The following NPTN variants were observed in gnomAD, a reference collection of about 807,000 sequenced individuals.
NPTN encodes neuroplastin, also known as SDR-1.
Under a neutral mutation model 42.7 loss-of-function variants are expected in NPTN, and 5 were observed. The ratio of observed to expected loss-of-function variants is 0.12; its 90% CI spans 0.06 to 0.25. The LOEUF is 0.25. NPTN is among the 10% of genes least tolerant of loss of function. The pLI is 1.00. For synonymous variants in NPTN, 180 were observed against 201.9 expected (o/e 0.89, Z 0.92); for missense variants, 307 against 525.4 (o/e 0.58, Z 4.06).
chr15:73,628,508 T>C (rs1003116945), intron 1 of NPTN, among the ~76,000 whole-genome samples: 1 of 152,234 alleles, frequency 6.6e-6, no homozygotes, highest in Non-Finnish European at 1.5e-5. Context: ...ATCTCTTGTA[T>C]GGTATCCAAC....
chr15:73,569,793 A>G lies in NPTN; in HGVS notation c.1114+357T>C. On this transcript the variant is annotated intron_variant, in intron 6 of 8. Transcript: ENST00000345330. This position sits in a 1 kb window ranked among gnomAD's most constrained non-coding sequence, Gnocchi z 4.1. Reference sequence around the variant, plus strand: ...TTGACTTGGATTCTCCTCAAGCTCAATCTGCCTGATGATCTGTATTGAAGG... The same window carrying G: ...TTGACTTGGATTCTCCTCAAGCTCAGTCTGCCTGATGATCTGTATTGAAGG... The G allele has an allele frequency of 1.0e-6, 1 of 985,292 alleles. No individual in the cohort carries two copies. The highest frequency in any genetic ancestry group is 1.2e-6 in the Non-Finnish European group (1 of 829,916). 61.0% of individuals were successfully genotyped at this position (985,292 alleles called of 1,614,324 possible).
At chr15:73,619,479 A>T (rs1898025987) in intron 1 of NPTN, among the ~76,000 whole-genome samples, 1 of 152,224 alleles carries the variant, frequency 6.6e-6, no homozygotes. Flanking sequence ...GGAACAACTT[A>T]ATTTTGATGG....
chr15:73,633,252 G>A lies in NPTN; in HGVS notation c.-37C>T. 1 of 1,386,576 alleles carries A rather than the reference G, an allele frequency of 7.2e-7. No individual in the cohort carries two copies. The highest frequency in any genetic ancestry group is 9.7e-7 in the Non-Finnish European group (1 of 1,032,734). The allele number at this position is 1,386,576 out of a possible 1,614,324, so 85.9% of individuals were successfully genotyped here. On this transcript the variant is annotated 5_prime_UTR_variant, in exon 1 of 9. Transcript: ENST00000345330. ...GAAGACCCAACAGCGAATGGGCCGGGGCCAGAGCCGGGGCCGGGGAAGGGA... is the reference window on the plus strand; with the variant it reads ...GAAGACCCAACAGCGAATGGGCCGGAGCCAGAGCCGGGGCCGGGGAAGGGA...
chr15:73,580,797 T>A (rs937598063), intron 4 of NPTN, among the ~76,000 whole-genome samples: 2 of 151,896 alleles, frequency 1.3e-5, no homozygotes, highest in African/African-American at 2.4e-5. Context: ...CCTGTCAGAC[T>A]TTACTCTGTA....
At chr15:73,612,194 G>A (rs955640298) in intron 1 of NPTN, among the ~76,000 whole-genome samples, 7 of 152,100 alleles carry the variant, frequency 4.6e-5, no homozygotes, top group African/African-American at 1.7e-4. Context: ...CAAGGCAGGA[G>A]GATCGCTTGA....
At chr15:73,604,537 C>T (rs1184348291) in intron 1 of NPTN, among the ~76,000 whole-genome samples, 1 of 152,170 alleles carries the variant, frequency 6.6e-6, no homozygotes. Flanking sequence ...AGGGGTCTTC[C>T]AGACCCTGAG....
intron 3 of NPTN, among the ~76,000 whole-genome samples, chr15:73,589,348 A>C (rs1896478759): frequency 6.6e-6 from 1 of 152,070 alleles, no homozygotes; most frequent in African/African-American, 2.4e-5. Flanking sequence ...AAAAGAAAAA[A>C]AGAAAAAGTA....
chr15:73,583,401 C>T (rs1896154737), intron 4 of NPTN, among the ~76,000 whole-genome samples: 1 of 152,092 alleles, frequency 6.6e-6, no homozygotes, highest in Admixed American at 6.5e-5. Flanking sequence ...GCCAGTTATT[C>T]CCTCAAGCCT....
intron 2 of NPTN, among the ~76,000 whole-genome samples, chr15:73,595,195 G>C (rs1896777888): frequency 3.3e-5 from 5 of 152,172 alleles, no homozygotes; most frequent in Admixed American, 3.3e-4. Context: ...CTAGCTATGA[G>C]TCAGGCTCTT....
At chr15:73,592,460 C>T (rs193148599) in intron 2 of NPTN, among the ~76,000 whole-genome samples, 4 of 152,256 alleles carry the variant, frequency 2.6e-5, no homozygotes, top group Admixed American at 1.3e-4. Context: ...CCAAACAATT[C>T]GGCTTCAATT....
intron 1 of NPTN, among the ~76,000 whole-genome samples, chr15:73,598,429 A>C (rs2141411948): frequency 6.6e-6 from 1 of 152,078 alleles, no homozygotes; most frequent in Admixed American, 6.5e-5. Context: ...AATTTGCTTG[A>C]GGTTACACTT....
intron 1 of NPTN, among the ~76,000 whole-genome samples, chr15:73,626,825 C>T (rs1898438840): frequency 1.3e-5 from 2 of 152,066 alleles, no homozygotes; most frequent in Admixed American, 6.6e-5. Flanking sequence ...TATATCCAAC[C>T]CTAATACTTT....
intron 2 of NPTN, among the ~76,000 whole-genome samples, chr15:73,595,100 A>G: frequency 6.6e-6 from 1 of 152,202 alleles, no homozygotes; most frequent in East Asian, 1.9e-4. Flanking sequence ...AATTCTAAGT[A>G]AACTGGGGAA....
intron 5 of NPTN, among the ~76,000 whole-genome samples, chr15:73,573,386 G>A (rs1346122350): frequency 6.6e-6 from 1 of 152,122 alleles, no homozygotes; most frequent in Non-Finnish European, 1.5e-5. Flanking sequence ...CCCAGTCTCT[G>A]GAAGTTCTTT....
chr15:73,586,943 T>C (rs1401139797), intron 4 of NPTN, among the ~76,000 whole-genome samples: 4 of 152,222 alleles, frequency 2.6e-5, no homozygotes, highest in Non-Finnish European at 4.4e-5. Context: ...TGATGTTGGG[T>C]AGCTCCAACT....
chr15:73,601,521 T>TGCC (rs1246564245), intron 1 of NPTN, among the ~76,000 whole-genome samples: 4 of 152,248 alleles, frequency 2.6e-5, no homozygotes, highest in Admixed American at 2.0e-4. Flanking sequence ...CTCACTGCCC[T>TGCC]GCCTTTCATT....
intron 6 of NPTN, chr15:73,567,476 A>G (rs1895097159): frequency 2.0e-6 from 2 of 985,280 alleles, no homozygotes; most frequent in African/African-American, 1.7e-5. Flanking sequence ...GTGTACGTAT[A>G]TATCTATATG....
At chr15:73,589,193 A>G (rs1896469767) in intron 3 of NPTN, among the ~76,000 whole-genome samples, 1 of 152,058 alleles carries the variant, frequency 6.6e-6, no homozygotes, top group Non-Finnish European at 1.5e-5. Context: ...TTAGCTGGGC[A>G]TGGTGGTGCA....
At chr15:73,590,824 A>G (rs1429143038) in intron 3 of NPTN, among the ~76,000 whole-genome samples, 1 of 152,170 alleles carries the variant, frequency 6.6e-6, no homozygotes, top group East Asian at 1.9e-4. Flanking sequence ...CAAGAAAAAA[A>G]TGCTTTTCAT....
Sources: allele counts gnomAD v4.1 joint callset (sites outside exome capture counted in the v4.1 genomes callset), GRCh38; gene constraint gnomAD v4.1.1; non-coding constraint Gnocchi (gnomAD v3.1); transcripts MANE v1.5; gene names NCBI Gene and HGNC (gene_info 2026-07-23, HGNC 2026-07-21).